PCDHA13: variants seen among roughly 807,000 people sequenced by gnomAD.
The protein encoded by PCDHA13 is protocadherin alpha 13, also known as protocadherin alpha-13.
A neutral mutation model predicts 64.8 loss-of-function variants in PCDHA13; 54 were observed. The observed-to-expected ratio is 0.83, with a 90% CI of 0.67 to 1.04. The LOEUF is 1.04. Among genes scored for constraint, PCDHA13 ranks in the 50% least tolerant of loss-of-function variants. The probability of loss-of-function intolerance (pLI) is 0.00; values close to 1 mark genes in which losing one functional copy is unlikely to be tolerated. For synonymous variants in PCDHA13, 587 were observed against 564.4 expected (o/e 1.04, Z -0.57); for missense variants, 1,248 against 1,254.3 (o/e 0.99, Z 0.08).
intron 1 of PCDHA13, among the ~76,000 whole-genome samples, chr5:140,902,664 A>G (rs2069638514): frequency 6.6e-6 from 1 of 152,128 alleles, no homozygotes. Context: ...CTGTCACCCA[A>G]GCAGTGTACA....
chr5:141,008,540 T>C (rs1435875214), intron 3 of PCDHA13, among the ~76,000 whole-genome samples: 2 of 152,190 alleles, frequency 1.3e-5, no homozygotes, highest in African/African-American at 4.8e-5. Context: ...ATGTCTTTTA[T>C]TGAAAACTCC....
At chr5:140,928,208 A>AT (rs1436614514) in intron 1 of PCDHA13, 2 of 1,614,110 alleles carry the variant, frequency 1.2e-6, no homozygotes, top group Non-Finnish European at 1.7e-6. Flanking sequence ...GCTGATGTGA[A>AT]TGACAATACA....
At chr5:140,937,500 C>T (rs2091549219) in intron 1 of PCDHA13, among the ~76,000 whole-genome samples, 1 of 152,024 alleles carries the variant, frequency 6.6e-6, no homozygotes, top group Admixed American at 6.6e-5. Context: ...ACCCGTAATC[C>T]CAGCTACTCA....
chr5:140,968,476 G>A (rs1295691287), intron 1 of PCDHA13: 1 of 1,613,974 alleles, frequency 6.2e-7, no homozygotes, highest in East Asian at 2.2e-5. Flanking sequence ...TATATGTGGT[G>A]GACATGAATG....
intron 1 of PCDHA13, among the ~76,000 whole-genome samples, chr5:140,947,922 C>T (rs2094193763): frequency 6.6e-6 from 1 of 151,450 alleles, no homozygotes; most frequent in Admixed American, 6.6e-5. Context: ...TTGCCTTAAC[C>T]CTGATCTTAT....
intron 1 of PCDHA13, among the ~76,000 whole-genome samples, chr5:140,916,773 A>G (rs1584011849): frequency 6.6e-6 from 1 of 151,502 alleles, no homozygotes; most frequent in South Asian, 2.1e-4. Context: ...TGGCACAAGC[A>G]CTCCCTTAGC....
chr5:140,896,008 T>C (rs1231092307), intron 1 of PCDHA13, among the ~76,000 whole-genome samples: 4 of 152,082 alleles, frequency 2.6e-5, no homozygotes, highest in Non-Finnish European at 4.4e-5. Flanking sequence ...ACAGGGTTTC[T>C]CCATGTTGGC....
intron 1 of PCDHA13, among the ~76,000 whole-genome samples, chr5:140,978,640 G>T (rs1339340351): frequency 6.6e-6 from 1 of 152,252 alleles, no homozygotes; most frequent in African/African-American, 2.4e-5. Flanking sequence ...TCTCAAAGCA[G>T]ACTGTTCTTC....
chr5:140,929,140 C>T, intron 1 of PCDHA13: 1 of 1,614,176 alleles, frequency 6.2e-7, no homozygotes, highest in Non-Finnish European at 8.5e-7. Context: ...AGTTGAGAGA[C>T]TTTCTCAGAC....
rs568722959 is a variant in PCDHA13 at position 140,970,085 on chromosome 5, T to C, written c.2395-8864T>C. Among the ~76,000 whole-genome samples the C allele has an allele frequency of 2.6e-5, 4 of 151,946 alleles. No homozygotes were observed. The East Asian group carries it at 7.7e-4, about 29-fold the overall frequency. ...TATTAGAATGAGTGGATTAGGGGTG[T>C]GGGGGGATGGTGAAGACCAAGAGAA... is the stretch of plus-strand genomic sequence containing the variant. On this transcript the variant is annotated intron_variant, in intron 1 of 3. Coordinates refer to ENST00000289272, the MANE Select transcript of PCDHA13 (RefSeq NM_018904.3).
chr5:140,894,253 T>C (rs1554186000), intron 1 of PCDHA13, among the ~76,000 whole-genome samples: 1 of 152,112 alleles, frequency 6.6e-6, no homozygotes, highest in Non-Finnish European at 1.5e-5. Context: ...TTCTTTTCTT[T>C]ACAAGTGGTA....
intron 1 of PCDHA13, chr5:140,927,555 C>T (rs1554204727): frequency 8.7e-6 from 14 of 1,614,058 alleles, no homozygotes; most frequent in East Asian, 2.2e-5. Flanking sequence ...AAGTCACCAT[C>T]ATTGTGGTGG....
intron 1 of PCDHA13, among the ~76,000 whole-genome samples, chr5:140,946,631 T>TATATATATATATATACACAC (rs57893927): frequency 7.6e-6 from 1 of 131,856 alleles, no homozygotes; most frequent in East Asian, 2.1e-4. Flanking sequence ...TATATATATA[T>TATATATATATATATACACAC]ACAATGGAAT....
chr5:140,979,074 C>T, intron 2 of PCDHA13, 67 bp downstream of exon 2: 4 of 1,583,968 alleles, frequency 2.5e-6, no homozygotes, highest in Non-Finnish European at 2.6e-6. Context: ...TAAACTGCAT[C>T]TCCATAGGCC....
intron 1 of PCDHA13, among the ~76,000 whole-genome samples, chr5:140,914,901 G>A (rs2076874560): frequency 6.8e-6 from 1 of 147,044 alleles, no homozygotes; most frequent in African/African-American, 2.5e-5. Flanking sequence ...TTAACTTTGT[G>A]TTGTTTCTCT....
chr5:140,927,702 C>T (rs533775539), intron 1 of PCDHA13: 2 of 1,614,210 alleles, frequency 1.2e-6, no homozygotes, highest in South Asian at 1.1e-5. Flanking sequence ...AAGTCCAGTA[C>T]TCCCTAAGCA....
At chr5:140,996,697 C>T (rs559736986) in intron 3 of PCDHA13, among the ~76,000 whole-genome samples, 1 of 152,236 alleles carries the variant, frequency 6.6e-6, no homozygotes, top group East Asian at 1.9e-4. Flanking sequence ...TCTTCTGAAC[C>T]TCTATCTCTT....
At chr5:140,967,226 C>G (rs782350843) in intron 1 of PCDHA13, 1 of 1,613,746 alleles carries the variant, frequency 6.2e-7, no homozygotes, top group Non-Finnish European at 8.5e-7. Flanking sequence ...GCCCAACTAC[C>G]AGCTTCAGGT....
At chr5:140,925,108 G>GAAGGAA (rs2082318586) in intron 1 of PCDHA13, among the ~76,000 whole-genome samples, 1 of 124,702 alleles carries the variant, frequency 8.0e-6, no homozygotes, top group African/African-American at 3.3e-5. Context: ...GAAGGAAGGA[G>GAAGGAA]GGAAGGAAGG....
Sources: allele counts gnomAD v4.1 joint callset (sites outside exome capture counted in the v4.1 genomes callset), GRCh38; gene constraint gnomAD v4.1.1; transcripts MANE v1.5; gene names NCBI Gene and HGNC (gene_info 2026-07-23, HGNC 2026-07-21).